Variants in LRRTM4 observed in about 807,000 individuals in gnomAD.
LRRTM4 encodes the protein leucine rich repeat transmembrane neuronal 4.
In LRRTM4, 25 loss-of-function variants were observed where a neutral mutation model predicts 47.6. That is an observed-to-expected ratio of 0.53 (90% CI 0.38 to 0.73). The LOEUF is 0.73. Ranked by LOEUF, LRRTM4 falls within the 30% of genes least tolerant of loss-of-function variation. LRRTM4 has a pLI of 0.00. For missense variants in LRRTM4, 638 were observed against 713.4 expected (o/e 0.89, Z 1.20); for synonymous variants, 311 against 269.5 (o/e 1.15, Z -1.51).
intron 3 of LRRTM4, among the ~76,000 whole-genome samples, chr2:77,505,864 T>G (rs919613417): frequency 6.6e-6 from 1 of 151,542 alleles, no homozygotes; most frequent in African/African-American, 2.4e-5. Flanking sequence ...TATTTCCTTT[T>G]GAAAAATGCA....
intron 3 of LRRTM4, among the ~76,000 whole-genome samples, chr2:76,931,169 T>C (rs1674756746): frequency 2.0e-5 from 3 of 152,182 alleles, no homozygotes; most frequent in Admixed American, 6.5e-5. Context: ...ATATATTTAC[T>C]TTTTTATCAA....
intron 3 of LRRTM4, among the ~76,000 whole-genome samples, chr2:77,091,911 G>A (rs199835064): frequency 0.15 from 19,586 of 129,188 alleles, 3,217 homozygotes; most frequent in African/African-American, 0.42. Context: ...TTTCCTTCCT[G>A]GGCATGGTTA....
intron 3 of LRRTM4, among the ~76,000 whole-genome samples, chr2:77,358,473 CA>C (rs1425423279): frequency 2.6e-5 from 4 of 152,162 alleles, no homozygotes; most frequent in Non-Finnish European, 5.9e-5. Flanking sequence ...GAATCCAGCC[CA>C]AACACCTCTC....
At chr2:76,804,458 G>A (rs1250785613) in intron 3 of LRRTM4, among the ~76,000 whole-genome samples, 1 of 151,764 alleles carries the variant, frequency 6.6e-6, no homozygotes, top group Admixed American at 6.6e-5. Context: ...TACAGGACTG[G>A]ATAAATAAGT....
At chr2:76,922,278 C>A (rs572249418) in intron 3 of LRRTM4, among the ~76,000 whole-genome samples, 1 of 152,138 alleles carries the variant, frequency 6.6e-6, no homozygotes, top group East Asian at 1.9e-4. Context: ...TCAGGCTTAA[C>A]AGGAAGCATT....
At chr2:77,479,951 C>T (rs1677605068) in intron 3 of LRRTM4, among the ~76,000 whole-genome samples, 1 of 152,152 alleles carries the variant, frequency 6.6e-6, no homozygotes, top group African/African-American at 2.4e-5. Flanking sequence ...TAATACTTTA[C>T]ATATGACACG....
At chr2:76,922,353 C>T (rs1050245116) in intron 3 of LRRTM4, among the ~76,000 whole-genome samples, 4 of 151,976 alleles carry the variant, frequency 2.6e-5, no homozygotes, top group African/African-American at 7.2e-5. Context: ...CACATCTTAC[C>T]CTGGCAGAGC....
chr2:77,001,490 C>G (rs1375749616), intron 3 of LRRTM4, among the ~76,000 whole-genome samples: 1 of 152,102 alleles, frequency 6.6e-6, no homozygotes, highest in Non-Finnish European at 1.5e-5. Flanking sequence ...GTGGATTAAA[C>G]ATTCCTTTTC....
intron 3 of LRRTM4, among the ~76,000 whole-genome samples, chr2:76,798,236 T>A (rs1675460367): frequency 1.3e-5 from 2 of 151,876 alleles, no homozygotes; most frequent in African/African-American, 2.4e-5. Context: ...AGAGCAGAGA[T>A]TATAACAAAC....
intron 3 of LRRTM4, among the ~76,000 whole-genome samples, chr2:77,202,960 G>A (rs1674017090): frequency 6.6e-6 from 1 of 151,970 alleles, no homozygotes; most frequent in African/African-American, 2.4e-5. Context: ...TGCTTTGGAA[G>A]GCCCTCAGGT....
chr2:77,167,905 T>C (rs540984925), intron 3 of LRRTM4, among the ~76,000 whole-genome samples: 2 of 152,140 alleles, frequency 1.3e-5, no homozygotes, highest in South Asian at 4.2e-4. Context: ...ACATATGTAA[T>C]ATACCTGTAC....
At chr2:77,142,276 A>G (rs1025846411) in intron 3 of LRRTM4, among the ~76,000 whole-genome samples, 6 of 152,180 alleles carry the variant, frequency 3.9e-5, no homozygotes, top group Admixed American at 3.9e-4. Flanking sequence ...AAGATTTTTT[A>G]GAAGGCTGAA....
chr2:77,167,221 T>A (rs1220284880), intron 3 of LRRTM4, among the ~76,000 whole-genome samples: 1 of 152,142 alleles, frequency 6.6e-6, no homozygotes, highest in Non-Finnish European at 1.5e-5. Flanking sequence ...TCACCGGCCA[T>A]CAGACAAATG....
intron 3 of LRRTM4, among the ~76,000 whole-genome samples, chr2:77,403,367 G>A (rs1674039304): frequency 6.6e-6 from 1 of 151,816 alleles, no homozygotes; most frequent in Admixed American, 6.6e-5. Flanking sequence ...CTTCTTTGAG[G>A]CCAGGAGCTA....
chr2:77,354,763 T>C (rs771234516), intron 3 of LRRTM4, among the ~76,000 whole-genome samples: 1 of 152,132 alleles, frequency 6.6e-6, no homozygotes, highest in Non-Finnish European at 1.5e-5. Flanking sequence ...TCGTCAGCCA[T>C]TGGCTAAGGG....
At position 77,272,368 on chromosome 2, in the gene LRRTM4, G is replaced by C. The variant is rs148776809; in HGVS notation, c.1551+245950C>G. ...AATTTCAAGCAATATAATGAACATAGTAATAGCCATTTTTGAAGGTGTGGG... is the reference window on the plus strand; with the variant it reads ...AATTTCAAGCAATATAATGAACATACTAATAGCCATTTTTGAAGGTGTGGG... On this transcript the variant is annotated intron_variant, in intron 3 of 3. Coordinates refer to ENST00000409884, the MANE Select transcript of LRRTM4 (RefSeq NM_001134745.3). 6.3e-3 allele frequency among the ~76,000 whole-genome samples: 963 copies of C among 152,186 alleles called. 1 individual carries two copies. Among genetic ancestry groups the C allele is most frequent in the Non-Finnish European group, 0.011 (776 of 68,006 alleles).
At chr2:77,427,890 T>C (rs1034679471) in intron 3 of LRRTM4, among the ~76,000 whole-genome samples, 16 of 152,188 alleles carry the variant, frequency 1.1e-4, no homozygotes, top group Non-Finnish European at 2.1e-4. Flanking sequence ...CTTTCCCATT[T>C]ACCAACTGAT....
intron 3 of LRRTM4, among the ~76,000 whole-genome samples, chr2:77,122,864 G>A (rs1031023247): frequency 1.3e-5 from 2 of 151,714 alleles, no homozygotes; most frequent in Non-Finnish European, 2.9e-5. Context: ...AATACTATAT[G>A]TGTTATTTTA....
chr2:77,276,830 T>C lies in LRRTM4; in HGVS notation c.1551+241488A>G, dbSNP rs201921751. Among the ~76,000 whole-genome samples the C allele has an allele frequency of 9.9e-3, 1,492 of 150,576 alleles. 44 individuals are homozygous for C. The East Asian group carries it at 0.1, about 10-fold the overall frequency. Reference sequence around the variant, plus strand: ...GAAGGAAGAACAGAGAAACTGAAACTTTTGTCTTCTAGCGTTCAGAAGACA... The same window carrying C: ...GAAGGAAGAACAGAGAAACTGAAACCTTTGTCTTCTAGCGTTCAGAAGACA... On this transcript the variant is annotated intron_variant, in intron 3 of 3. Transcript: ENST00000409884.
Sources: gnomAD v4.1 joint callset for allele counts (sites outside exome capture counted in the v4.1 genomes callset) on GRCh38, gnomAD v4.1.1 for gene constraint, MANE v1.5 for transcripts, NCBI Gene and HGNC (gene_info 2026-07-23, HGNC 2026-07-21) for gene names.